Variants in NME7 observed in about 807,000 individuals in gnomAD.
NME7 encodes NME/NM23 family member 7.
Under a neutral mutation model 49.1 loss-of-function variants are expected in NME7, and 41 were observed. That is an observed-to-expected ratio of 0.83 (90% CI 0.65 to 1.08). The LOEUF is 1.08. Among genes scored for constraint, NME7 ranks in the 50% least tolerant of loss-of-function variants. NME7 has a pLI of 0.00. For missense variants in NME7, 423 were observed against 463.4 expected (o/e 0.91, Z 0.80); for synonymous variants, 139 against 150.6 (o/e 0.92, Z 0.56).
At chr1:169,217,625 C>A (rs1336368481) in intron 10 of NME7, among the ~76,000 whole-genome samples, 1 of 152,064 alleles carries the variant, frequency 6.6e-6, no homozygotes, top group East Asian at 1.9e-4. Context: ...TTTGCAGCCC[C>A]CCTTCCATTG....
At chr1:169,199,087 T>C (rs1452906677) in intron 10 of NME7, among the ~76,000 whole-genome samples, 1 of 152,134 alleles carries the variant, frequency 6.6e-6, no homozygotes, top group Non-Finnish European at 1.5e-5. Flanking sequence ...GTCTACATCA[T>C]ATTATGTCTA....
At chr1:169,160,735 G>C (rs1411917804) in intron 11 of NME7, among the ~76,000 whole-genome samples, 1 of 152,112 alleles carries the variant, frequency 6.6e-6, no homozygotes, top group Non-Finnish European at 1.5e-5. Context: ...TTGGTTTTCA[G>C]ACATTTTTAG....
rs753361841 is a variant in NME7, at chr1:169,287,400, C to T, written c.657G>A (p.Glu219=). 1 of 1,589,552 alleles carries T rather than the reference C, an allele frequency of 6.3e-7. No homozygotes were observed. The highest frequency in any genetic ancestry group is 1.8e-5 in the Admixed American group (1 of 55,412). The change falls in exon 7 of 12, where the codon GAG becomes GAA. Residue 219 remains glutamate (E), a synonymous_variant. Transcript: ENST00000367811. ...DSFASAAREM[E]LFFPSSGGCG... ...AACCTCCACTTGAAGGAAAAAACAA[C>T]TCCATTTCCTAAAGACAGAGAGAAA...
intron 7 of NME7, among the ~76,000 whole-genome samples, chr1:169,275,999 C>A (rs1396298855): frequency 7.5e-6 from 1 of 133,412 alleles, no homozygotes; most frequent in Non-Finnish European, 1.8e-5. Context: ...TATTGATTTG[C>A]GTATATTGAA....
At chr1:169,231,277 C>T (rs1647607293) in intron 9 of NME7, among the ~76,000 whole-genome samples, 2 of 152,066 alleles carry the variant, frequency 1.3e-5, no homozygotes, top group South Asian at 4.1e-4. Flanking sequence ...ATATACGAAA[C>T]AATAGTTTTC....
chr1:169,206,148 A>G (rs1660669381), intron 10 of NME7, among the ~76,000 whole-genome samples: 1 of 152,012 alleles, frequency 6.6e-6, no homozygotes, highest in South Asian at 2.1e-4. Context: ...CATATTATAT[A>G]TTTTACTTAT....
chr1:169,303,184 A>C lies in NME7; in HGVS notation c.401T>G (p.Leu134Trp), dbSNP rs1254369667. 1 of 1,553,502 alleles carries C rather than the reference A, an allele frequency of 6.4e-7. No homozygotes were observed. Among genetic ancestry groups the C allele is most frequent in the Non-Finnish European group, 8.8e-7 (1 of 1,142,640 alleles). Residue 134 changes from leucine to tryptophan, a missense_variant, in exon 5 of 12, where the codon TTG (leucine) becomes TGG (tryptophan). Coordinates refer to ENST00000367811, the MANE Select transcript of NME7 (RefSeq NM_013330.5). Reference sequence around the variant, plus strand: ...TGACTGGTGATCTACATGAAAATCCAATGCTTCTTTCCTATAAAATAATCA... The same window carrying C: ...TGACTGGTGATCTACATGAAAATCCCATGCTTCTTTCCTATAAAATAATCA... ...KMMMLSRKEALDFHVDHQSRP... is the reference protein window; with the variant it reads ...KMMMLSRKEAWDFHVDHQSRP...
intron 4 of NME7, among the ~76,000 whole-genome samples, chr1:169,308,073 A>T (rs1476851324): frequency 2.0e-5 from 3 of 152,100 alleles, no homozygotes; most frequent in Non-Finnish European, 4.4e-5. Context: ...CACAGTGGTC[A>T]ACTGTTCAGT....
At chr1:169,325,584 T>C (rs945486835) in intron 1 of NME7, among the ~76,000 whole-genome samples, 3 of 152,116 alleles carry the variant, frequency 2.0e-5, no homozygotes, top group Non-Finnish European at 4.4e-5. Context: ...TTCATTATAA[T>C]AAGCAAATAA....
Position 169,265,939 on chromosome 1 carries a change from C to G in NME7, c.754+21364G>C, listed in dbSNP as rs114653514. ...AGAAGAAATTGAATCCTCAAGCAGA[C>G]CAATAGTGACCTCTGAAACTGAATC... On this transcript the variant is annotated intron_variant, in intron 7 of 11. Transcript: ENST00000367811. Among the ~76,000 whole-genome samples the G allele has an allele frequency of 2.4e-3, 319 of 132,376 alleles. 33 individuals carry two copies. The highest frequency in any genetic ancestry group is 7.9e-3 in the African/African-American group (310 of 39,378). 86.8% of individuals were successfully genotyped at this position (132,376 alleles called of 152,430 possible).
chr1:169,227,770 G>A (rs1322300372), intron 10 of NME7, among the ~76,000 whole-genome samples: 1 of 152,020 alleles, frequency 6.6e-6, no homozygotes, highest in Non-Finnish European at 1.5e-5. Flanking sequence ...TATACACATG[G>A]GGATTAAGTT....
chr1:169,200,528 T>C (rs1571285664), intron 10 of NME7, among the ~76,000 whole-genome samples: 1 of 152,022 alleles, frequency 6.6e-6, no homozygotes, highest in South Asian at 2.1e-4. Context: ...CCCTGTGAGA[T>C]TGCCTTTCAT....
intron 7 of NME7, chr1:169,284,114 A>T (rs1650162377): frequency 2.6e-5 from 4 of 151,804 alleles, no homozygotes; most frequent in Admixed American, 2.6e-4. Context: ...TTTTCACATA[A>T]TCCCATATTT....
intron 1 of NME7, among the ~76,000 whole-genome samples, chr1:169,362,280 T>C (rs1653690149): frequency 6.6e-6 from 1 of 152,212 alleles, no homozygotes; most frequent in Admixed American, 6.5e-5. Flanking sequence ...TTAGTTCTTA[T>C]GGAACATAGC....
intron 7 of NME7, among the ~76,000 whole-genome samples, chr1:169,247,899 G>C (rs1373582401): frequency 1.3e-5 from 2 of 152,104 alleles, no homozygotes; most frequent in Non-Finnish European, 2.9e-5. Context: ...TGGACACTTA[G>C]ATTGGTTCCA....
In NME7 at chr1:169,298,563, G is replaced by A. The variant is rs778169598; in HGVS notation, c.641C>T (p.Ala214Val). ...ATTTTTAAAACACCTTACTCTGGCC[G>A]CAGAAGCAAAAGAATCAGGGCCATG... is the stretch of plus-strand genomic sequence containing the variant. ...AAHGPDSFAS[A>V]AREMELFFPS... is the part of the protein sequence containing the mutation. Residue 214 changes from alanine to valine, a missense_variant, in exon 6 of 12, where the codon GCG becomes GTG. By Grantham distance (64) the Ala-to-Val change is moderately conservative (BLOSUM62 0). Transcript: ENST00000367811. 12 of 1,613,364 alleles carry A rather than the reference G, an allele frequency of 7.4e-6. No homozygotes were observed. The highest frequency in any genetic ancestry group is 3.3e-5 in the South Asian group (3 of 91,032).
chr1:169,155,472 TAA>T (rs1659041240), intron 11 of NME7, among the ~76,000 whole-genome samples: 1 of 152,222 alleles, frequency 6.6e-6, no homozygotes. Flanking sequence ...ATTATTGTTT[TAA>T]AATGATCTAC....
chr1:169,327,254 T>G (rs1381356691), intron 1 of NME7, among the ~76,000 whole-genome samples: 1 of 152,238 alleles, frequency 6.6e-6, no homozygotes, highest in Non-Finnish European at 1.5e-5. Flanking sequence ...TAGCTCCTTC[T>G]TCCCTGAAGA....
chr1:169,239,421 AT>A (rs1647992684), intron 7 of NME7, among the ~76,000 whole-genome samples: 1 of 152,040 alleles, frequency 6.6e-6, no homozygotes, highest in South Asian at 2.1e-4. Flanking sequence ...TGATTTCAAG[AT>A]TTTGAATCCA....
Sources: allele counts gnomAD v4.1 joint callset (sites outside exome capture counted in the v4.1 genomes callset), GRCh38; gene constraint gnomAD v4.1.1; transcripts MANE v1.5; gene names NCBI Gene and HGNC (gene_info 2026-07-23, HGNC 2026-07-21).